Variants in KCNMA1 observed in about 807,000 individuals in gnomAD.
KCNMA1 encodes the protein Calcium-activated potassium channel subunit alpha-1.
Under a neutral mutation model 140.0 loss-of-function variants are expected in KCNMA1, and 29 were observed. That is an observed-to-expected ratio of 0.21 (90% CI 0.15 to 0.28). The LOEUF is 0.28. KCNMA1 is among the 10% of genes least tolerant of loss of function. The probability of loss-of-function intolerance (pLI) is 1.00; values close to 1 mark genes in which losing one functional copy is unlikely to be tolerated. For synonymous variants in KCNMA1, 612 were observed against 611.9 expected (o/e 1.00, Z 0.00); for missense variants, 880 against 1,602.2 (o/e 0.55, Z 7.70).
intron 1 of KCNMA1, among the ~76,000 whole-genome samples, chr10:77,517,641 C>G (rs1049358528): frequency 6.6e-6 from 1 of 152,124 alleles, no homozygotes; most frequent in Non-Finnish European, 1.5e-5. Context: ...ACTGAAGGGC[C>G]CGTGTTCTCA....
chr10:77,341,464 C>T (rs933379440), intron 2 of KCNMA1, among the ~76,000 whole-genome samples: 1 of 152,168 alleles, frequency 6.6e-6, no homozygotes, highest in African/African-American at 2.4e-5. Flanking sequence ...CTTTTTCTCC[C>T]TCCTCCCTCA....
intron 9 of KCNMA1, chr10:77,091,774 G>A (rs1245169118): frequency 6.6e-6 from 1 of 152,194 alleles, no homozygotes; most frequent in East Asian, 1.9e-4. Flanking sequence ...TTGGCTGGAG[G>A]TGGCTCATAA....
At chr10:77,425,085 G>GTGGATGGA (rs59773000) in intron 1 of KCNMA1, among the ~76,000 whole-genome samples, 5 of 151,036 alleles carry the variant, frequency 3.3e-5, no homozygotes, top group African/African-American at 9.8e-5. Flanking sequence ...GGATGGATGA[G>GTGGATGGA]TGGATGGATG....
intron 17 of KCNMA1, among the ~76,000 whole-genome samples, chr10:77,016,411 C>T (rs943844611): frequency 3.9e-5 from 6 of 152,146 alleles, no homozygotes; most frequent in Admixed American, 3.9e-4. Flanking sequence ...CACTGTTTCC[C>T]TGGTGCCTTG....
chr10:77,489,746 A>G (rs2098509474), intron 1 of KCNMA1, among the ~76,000 whole-genome samples: 4 of 152,272 alleles, frequency 2.6e-5, no homozygotes, highest in Admixed American at 2.6e-4. Context: ...CACAAGAGAA[A>G]GAGCCTTGAA....
chr10:77,073,277 G>C, intron 13 of KCNMA1, 25 bp from the exon 14 acceptor site: 2 of 1,612,866 alleles, frequency 1.2e-6, no homozygotes, highest in Non-Finnish European at 1.7e-6. Flanking sequence ...GCAGGTATGA[G>C]ACCTTGCTCT....
chr10:77,069,808 T>C (rs1350545828), intron 14 of KCNMA1, among the ~76,000 whole-genome samples: 1 of 152,082 alleles, frequency 6.6e-6, no homozygotes, highest in African/African-American at 2.4e-5. Flanking sequence ...CAGTAGTCCC[T>C]CTTTCTTTTT....
At chr10:77,210,986 T>C (rs2045875789) in intron 3 of KCNMA1, among the ~76,000 whole-genome samples, 1 of 152,200 alleles carries the variant, frequency 6.6e-6, no homozygotes, top group South Asian at 2.1e-4. Flanking sequence ...ATGGCCATAC[T>C]ACCTAAAGCA....
chr10:77,070,423 G>A (rs575827848), intron 14 of KCNMA1, among the ~76,000 whole-genome samples: 10 of 152,222 alleles, frequency 6.6e-5, no homozygotes, highest in African/African-American at 1.2e-4. Context: ...GGGTTCTGCC[G>A]CACCAAAAAA....
At chr10:77,619,919 T>A (rs1470573661) in intron 1 of KCNMA1, among the ~76,000 whole-genome samples, 1 of 151,662 alleles carries the variant, frequency 6.6e-6, no homozygotes, top group Non-Finnish European at 1.5e-5. Flanking sequence ...AGGTGGAGGG[T>A]TGGAAGGGAA....
chr10:77,239,052 C>T (rs1295967084), intron 3 of KCNMA1, among the ~76,000 whole-genome samples: 1 of 152,194 alleles, frequency 6.6e-6, no homozygotes. Flanking sequence ...TCCTCAGCCT[C>T]ACCTCGTACC....
At chr10:77,554,167 C>T (rs1223530810) in intron 1 of KCNMA1, among the ~76,000 whole-genome samples, 1 of 152,144 alleles carries the variant, frequency 6.6e-6, no homozygotes, top group Non-Finnish European at 1.5e-5. Flanking sequence ...ATGGGCAGGT[C>T]TGCTGTGTCT....
chr10:77,427,577 C>T (rs1271112039), intron 1 of KCNMA1, among the ~76,000 whole-genome samples: 1 of 152,130 alleles, frequency 6.6e-6, no homozygotes, highest in East Asian at 1.9e-4. Flanking sequence ...CTTTTTGTCT[C>T]TATATTTAGA....
intron 3 of KCNMA1, among the ~76,000 whole-genome samples, chr10:77,236,823 C>T (rs2055654845): frequency 6.6e-6 from 1 of 152,162 alleles, no homozygotes; most frequent in African/African-American, 2.4e-5. Flanking sequence ...TATGTATGTA[C>T]TTTTAGAGAC....
chr10:76,943,481 G>A (rs1251539740), intron 23 of KCNMA1, among the ~76,000 whole-genome samples: 1 of 152,172 alleles, frequency 6.6e-6, no homozygotes, highest in Non-Finnish European at 1.5e-5. Flanking sequence ...CCTCAGAGAA[G>A]CCCCAGCCCC....
At chr10:77,184,761 G>C in intron 4 of KCNMA1, 62 bp downstream of exon 4, 1 of 1,018,532 alleles carries the variant, frequency 9.8e-7, no homozygotes, top group Non-Finnish European at 1.6e-6. Context: ...TGAGGGGGAT[G>C]ATCCCTGGGT....
intron 15 of KCNMA1, among the ~76,000 whole-genome samples, chr10:77,038,854 T>C (rs914716125): frequency 5.9e-5 from 9 of 152,190 alleles, no homozygotes; most frequent in Non-Finnish European, 1.0e-4. Context: ...TGAGGCACTG[T>C]CATGCCTCAC....
At chr10:76,905,757 A>G (rs1376509594) in intron 25 of KCNMA1, among the ~76,000 whole-genome samples, 1 of 152,204 alleles carries the variant, frequency 6.6e-6, no homozygotes, top group African/African-American at 2.4e-5. Flanking sequence ...TCCTTATGTG[A>G]CACTATTCAT....
At chr10:77,476,063 G>A (rs558615787) in intron 1 of KCNMA1, among the ~76,000 whole-genome samples, 27 of 152,230 alleles carry the variant, frequency 1.8e-4, no homozygotes, top group Non-Finnish European at 2.9e-4. Context: ...CCCAAACCTG[G>A]ATACTTCCTC....
Sources: allele counts gnomAD v4.1 joint callset (sites outside exome capture counted in the v4.1 genomes callset), GRCh38; gene constraint gnomAD v4.1.1; transcripts MANE v1.5; gene names NCBI Gene and HGNC (gene_info 2026-07-23, HGNC 2026-07-21).